Variants in KCNN2 observed in about 807,000 individuals in gnomAD.
KCNN2 encodes the protein potassium calcium-activated channel subfamily N member 2, also known as small conductance calcium-activated potassium channel protein 2.
Under a neutral mutation model 55.5 loss-of-function variants are expected in KCNN2, and 24 were observed. The ratio of observed to expected loss-of-function variants is 0.43; its 90% CI spans 0.31 to 0.61. The LOEUF (loss-of-function observed/expected upper bound fraction) is 0.61. KCNN2 is among the 20% of genes least tolerant of loss of function. KCNN2 has a pLI of 0.08. For missense variants in KCNN2, 754 were observed against 853.6 expected, an observed-to-expected ratio of 0.88 and a Z score of 1.45; for synonymous variants, 431 against 336.1, an observed-to-expected ratio of 1.28 and a Z score of -3.09.
intron 1 of KCNN2, among the ~76,000 whole-genome samples, chr5:114,130,983 CTT>C (rs777465183): frequency 3.1e-4 from 47 of 152,244 alleles, no homozygotes; most frequent in Middle Eastern, 3.4e-3. Context: ...TGAGCAAACA[CTT>C]TTCTGGGTCA....
chr5:114,106,643 G>GGTTT (rs1554068841), intron 1 of KCNN2, among the ~76,000 whole-genome samples: 1 of 69,932 alleles, frequency 1.4e-5, no homozygotes, highest in Non-Finnish European at 3.1e-5. Context: ...TTTTCCAGTT[G>GGTTT]TTTTTTTTTT....
At chr5:114,490,717 C>T (rs924794214) in intron 6 of KCNN2, 2 of 398,038 alleles carry the variant, frequency 5.0e-6, no homozygotes, top group African/African-American at 4.1e-5. Flanking sequence ...GTGTGAGCCG[C>T]TCCTTTCAAC....
intron 2 of KCNN2, among the ~76,000 whole-genome samples, chr5:114,332,586 C>A (rs1264936881): frequency 3.9e-5 from 6 of 152,116 alleles, no homozygotes; most frequent in Non-Finnish European, 4.4e-5. Context: ...AAATTAAGAT[C>A]TTGATGTGGT....
At chr5:114,142,564 A>C (rs181363866) in intron 1 of KCNN2, among the ~76,000 whole-genome samples, 1 of 152,206 alleles carries the variant, frequency 6.6e-6, no homozygotes, top group African/African-American at 2.4e-5. Context: ...AGGCATTCTT[A>C]TACACCAATA....
At chr5:114,406,002 A>C (rs569294316) in intron 3 of KCNN2, among the ~76,000 whole-genome samples, 2 of 150,358 alleles carry the variant, frequency 1.3e-5, no homozygotes, top group East Asian at 3.9e-4. Flanking sequence ...GAGCCACCGC[A>C]CCAGGCCGAA....
chr5:114,441,331 A>G (rs1760203350), intron 3 of KCNN2, among the ~76,000 whole-genome samples: 1 of 152,240 alleles, frequency 6.6e-6, no homozygotes, highest in African/African-American at 2.4e-5. Context: ...AGCTTAATCT[A>G]GCATACATAT....
chr5:114,065,998 T>C lies in KCNN2; in HGVS notation c.-271+9498T>C, dbSNP rs116213339. 6.3e-3 allele frequency among the ~76,000 whole-genome samples: 962 copies of C among 151,796 alleles called. 12 individuals are homozygous for C. The highest frequency in any genetic ancestry group is 0.022 in the African/African-American group (897 of 41,420). On this transcript the variant is annotated intron_variant, in intron 1 of 10. Transcript: ENST00000512097. ...ATATGACTATCATTACATTTTGCAA[T>C]CCAGTCTGAACCTGACTGTAGGAGT...
chr5:114,238,276 C>G (rs1754546710), intron 2 of KCNN2, among the ~76,000 whole-genome samples: 1 of 152,152 alleles, frequency 6.6e-6, no homozygotes, highest in African/African-American at 2.4e-5. Context: ...AAAATATACA[C>G]TATTTCCATG....
At chr5:114,327,136 A>G (rs1175933135) in intron 2 of KCNN2, among the ~76,000 whole-genome samples, 1 of 152,218 alleles carries the variant, frequency 6.6e-6, no homozygotes, top group African/African-American at 2.4e-5. Context: ...CCAAATGAAA[A>G]TGATTCTTAG....
intron 3 of KCNN2, among the ~76,000 whole-genome samples, chr5:114,411,998 G>T (rs1759150577): frequency 6.6e-6 from 1 of 152,134 alleles, no homozygotes; most frequent in Non-Finnish European, 1.5e-5. Context: ...TTAGCACAAG[G>T]ATCAGTTATG....
chr5:114,413,744 G>T (rs1759209222), intron 3 of KCNN2, among the ~76,000 whole-genome samples: 2 of 152,178 alleles, frequency 1.3e-5, no homozygotes, highest in South Asian at 2.1e-4. Flanking sequence ...AAGCTCAGCA[G>T]CTCAGGAATC....
At chr5:114,460,399 T>C (rs929981949) in intron 3 of KCNN2, among the ~76,000 whole-genome samples, 1 of 152,028 alleles carries the variant, frequency 6.6e-6, no homozygotes, top group East Asian at 1.9e-4. Context: ...TACACTACCA[T>C]ACCTGGCTAA....
At chr5:114,336,996 A>G (rs1250317277) in intron 2 of KCNN2, among the ~76,000 whole-genome samples, 1 of 152,288 alleles carries the variant, frequency 6.6e-6, no homozygotes, top group East Asian at 1.9e-4. Flanking sequence ...ATTTTAAACA[A>G]TGTAGTAATA....
intron 2 of KCNN2, among the ~76,000 whole-genome samples, chr5:114,324,653 C>T (rs534935188): frequency 4.6e-5 from 7 of 152,256 alleles, no homozygotes; most frequent in Middle Eastern, 3.4e-3. Flanking sequence ...TGTTTTAAGC[C>T]ACTAAGTTTG....
At chr5:114,402,689 G>A (rs1042915147) in intron 2 of KCNN2, among the ~76,000 whole-genome samples, 49 of 152,186 alleles carry the variant, frequency 3.2e-4, no homozygotes, top group African/African-American at 1.1e-3. Flanking sequence ...GGCGGCCCTC[G>A]AGGAAAACAA....
At chr5:114,147,910 TGGC>T (rs1401858943) in intron 1 of KCNN2, among the ~76,000 whole-genome samples, 1 of 152,162 alleles carries the variant, frequency 6.6e-6, no homozygotes, top group Non-Finnish European at 1.5e-5. Context: ...AGTCCTGCAT[TGGC>T]AACAGCTAAT....
intron 2 of KCNN2, among the ~76,000 whole-genome samples, chr5:114,335,073 G>A (rs1026778219): frequency 6.6e-6 from 1 of 152,056 alleles, no homozygotes; most frequent in Non-Finnish European, 1.5e-5. Flanking sequence ...ACAGGCGCCC[G>A]CCTCCACGCC....
At position 114,150,878 on chromosome 5, in the gene KCNN2, A is replaced by G. The variant is rs543232387; in HGVS notation, c.-270-70602A>G. On this transcript the variant is annotated intron_variant, in intron 1 of 10. Coordinates refer to the KCNN2 transcript ENST00000512097. ...CTCTACTAAAAATGCAAAATTAGCCATGCATGGTGGTGCATGCCTGTAATC... is the reference window on the plus strand; with the variant it reads ...CTCTACTAAAAATGCAAAATTAGCCGTGCATGGTGGTGCATGCCTGTAATC... Among the ~76,000 whole-genome samples, 371 of 152,196 alleles carry G rather than the reference A, an allele frequency of 2.4e-3. 3 individuals are homozygous for G. The highest frequency in any genetic ancestry group is 4.1e-3 in the Non-Finnish European group (282 of 67,990).
intron 1 of KCNN2, among the ~76,000 whole-genome samples, chr5:114,058,363 A>G (rs1750254393): frequency 6.6e-6 from 1 of 152,220 alleles, no homozygotes; most frequent in Non-Finnish European, 1.5e-5. Context: ...GAGGAGAAAC[A>G]GAGGCACCAT....
Sources: allele counts gnomAD v4.1 joint callset (sites outside exome capture counted in the v4.1 genomes callset), GRCh38; gene constraint gnomAD v4.1.1; transcripts MANE v1.5; gene names NCBI Gene and HGNC (gene_info 2026-07-23, HGNC 2026-07-21).